Variants in RAB31 observed in about 807,000 individuals in gnomAD.
RAB31 encodes ras-related protein Rab-31.
In RAB31, 21 loss-of-function variants were observed where a neutral mutation model predicts 25.6. The ratio of observed to expected loss-of-function variants is 0.82; its 90% CI spans 0.58 to 1.18. The LOEUF (loss-of-function observed/expected upper bound fraction) is 1.18, where lower values mean the gene tolerates loss of function less well. RAB31 is among the 50% of genes most tolerant of loss of function. The probability of loss-of-function intolerance (pLI) is 0.00; values close to 1 mark genes in which losing one functional copy is unlikely to be tolerated. For synonymous variants in RAB31, 87 were observed against 84.0 expected (o/e 1.04, Z -0.20); for missense variants, 196 against 250.1 (o/e 0.78, Z 1.46).
intron 1 of RAB31, among the ~76,000 whole-genome samples, chr18:9,742,636 G>T (rs1019964254): frequency 1.3e-5 from 2 of 152,210 alleles, no homozygotes; most frequent in African/African-American, 4.8e-5. Context: ...GAAGGCTGAG[G>T]AAGGGGGCTG....
In RAB31 at chr18:9,766,351, C is replaced by T. The variant is rs541815805; in HGVS notation, c.40-8927C>T. Among the ~76,000 whole-genome samples, 514 of 150,238 alleles carry T rather than the reference C, an allele frequency of 3.4e-3. 4 individuals are homozygous for T. The highest frequency in any genetic ancestry group is 0.012 in the African/African-American group (495 of 41,234). ...CCCCGGAGTGGGTGAGCCAGGCAAGCGTGGCACTGCCCTCATTACTATGCA... is the reference window on the plus strand; with the variant it reads ...CCCCGGAGTGGGTGAGCCAGGCAAGTGTGGCACTGCCCTCATTACTATGCA... On this transcript the variant is annotated intron_variant, in intron 1 of 6. Coordinates refer to ENST00000578921, the MANE Select transcript of RAB31 (RefSeq NM_006868.4). The surrounding 1 kb of genome is among the most constrained non-coding windows in gnomAD (Gnocchi z 4.3).
intron 5 of RAB31, among the ~76,000 whole-genome samples, chr18:9,829,308 C>T (rs765868059): frequency 3.9e-5 from 6 of 152,124 alleles, no homozygotes; most frequent in African/African-American, 7.2e-5. Context: ...ACTTTGTAAG[C>T]GGAATGAGAC....
At chr18:9,849,384 A>C (rs962389606) in intron 6 of RAB31, among the ~76,000 whole-genome samples, 2 of 152,192 alleles carry the variant, frequency 1.3e-5, no homozygotes, top group Non-Finnish European at 2.9e-5. Context: ...CTCCGTCCTC[A>C]TCTCATGATA....
At chr18:9,850,961 C>A (rs1202384139) in intron 6 of RAB31, among the ~76,000 whole-genome samples, 4 of 152,106 alleles carry the variant, frequency 2.6e-5, no homozygotes, top group African/African-American at 9.7e-5. Context: ...ATATGAAAGA[C>A]AACAAGTTAA....
rs759486598 is a variant in RAB31, at chr18:9,792,168, C to A, written c.134C>A (p.Thr45Asn). The change falls in exon 3 of 7, where the codon ACC becomes AAC. Residue 45 changes from threonine to asparagine, a missense_variant. Coordinates refer to ENST00000578921, the MANE Select transcript of RAB31 (RefSeq NM_006868.4). Reference protein sequence around the residue: ...ISPTIGASFMTKTVPCGNELH... With the variant: ...ISPTIGASFMNKTVPCGNELH... ...TCTTTTTTCAGGGCATCTTTTATGA[C>A]CAAAACTGTGCCTTGTGGAAATGAA... 1 of 1,611,194 alleles carries A rather than the reference C, an allele frequency of 6.2e-7. No individual in the cohort carries two copies. The highest frequency in any genetic ancestry group is 1.1e-5 in the South Asian group (1 of 90,316).
rs2068315119 is a variant in RAB31 at position 9,766,208 on chromosome 18, C to G, written c.40-9070C>G. Among the ~76,000 whole-genome samples the G allele has an allele frequency of 6.6e-6, 1 of 152,124 alleles. No homozygotes were observed. Reference sequence around the variant, plus strand: ...TAACCCTGGCCTGGATTGCTAAGGCCAGGGCCCGGGAGCTGGGCTCTCACT... The same window carrying G: ...TAACCCTGGCCTGGATTGCTAAGGCGAGGGCCCGGGAGCTGGGCTCTCACT... On this transcript the variant is annotated intron_variant, in intron 1 of 6. Transcript: ENST00000578921. The surrounding 1 kb of genome is among the most constrained non-coding windows in gnomAD (Gnocchi z 4.3).
chr18:9,741,554 C>T (rs1314834026), intron 1 of RAB31, among the ~76,000 whole-genome samples: 1 of 152,148 alleles, frequency 6.6e-6, no homozygotes, highest in Admixed American at 6.5e-5. Flanking sequence ...CACGCACCAT[C>T]TGTCCAGTGG....
intron 3 of RAB31, 21 bp downstream of exon 3, chr18:9,792,256 G>C: frequency 6.2e-7 from 1 of 1,600,946 alleles, no homozygotes; most frequent in Admixed American, 1.7e-5. Context: ...GCTGTTTTTT[G>C]GTGAAAACAA....
intron 1 of RAB31, among the ~76,000 whole-genome samples, chr18:9,747,117 C>T (rs1227645063): frequency 6.6e-6 from 1 of 152,180 alleles, no homozygotes; most frequent in Admixed American, 6.5e-5. Context: ...AATAGACCTT[C>T]TCCAGAGAAG....
chr18:9,814,886 A>G (rs1410658718), intron 4 of RAB31: 3 of 351,412 alleles, frequency 8.5e-6, no homozygotes, highest in Non-Finnish European at 1.6e-5. Context: ...AATCACTGAT[A>G]TGATTTTCTT....
At chr18:9,804,189 G>A (rs560767890) in intron 3 of RAB31, among the ~76,000 whole-genome samples, 2 of 152,314 alleles carry the variant, frequency 1.3e-5, no homozygotes, top group African/African-American at 4.8e-5. Context: ...TTTGTCACTG[G>A]AGACCCTGCT....
intron 6 of RAB31, among the ~76,000 whole-genome samples, chr18:9,854,812 G>A (rs2068807712): frequency 6.6e-6 from 1 of 152,170 alleles, no homozygotes; most frequent in Non-Finnish European, 1.5e-5. Flanking sequence ...CATGGCTAGA[G>A]GCTAAAGGTC....
chr18:9,766,363 C>T lies in RAB31; in HGVS notation c.40-8915C>T, dbSNP rs952001433. Reference sequence around the variant, plus strand: ...TGAGCCAGGCAAGCGTGGCACTGCCCTCATTACTATGCACTGCCTTCGCTT... The same window carrying T: ...TGAGCCAGGCAAGCGTGGCACTGCCTTCATTACTATGCACTGCCTTCGCTT... On this transcript the variant is annotated intron_variant, in intron 1 of 6. Coordinates refer to ENST00000578921, the MANE Select transcript of RAB31 (RefSeq NM_006868.4). This position sits in a 1 kb window ranked among gnomAD's most constrained non-coding sequence, Gnocchi z 4.3. 2.6e-5 allele frequency among the ~76,000 whole-genome samples: 4 copies of T among 152,204 alleles called. No individual in the cohort carries two copies. The highest frequency in any genetic ancestry group is 1.9e-4 in the East Asian group (1 of 5,150).
chr18:9,846,456 G>A (rs1251717397), intron 6 of RAB31, among the ~76,000 whole-genome samples: 1 of 152,208 alleles, frequency 6.6e-6, no homozygotes, highest in Admixed American at 6.5e-5. Context: ...ACTGCTCTGA[G>A]ACACCCTCAG....
At chr18:9,746,704 A>G (rs2068207507) in intron 1 of RAB31, among the ~76,000 whole-genome samples, 1 of 152,244 alleles carries the variant, frequency 6.6e-6, no homozygotes, top group Non-Finnish European at 1.5e-5. Context: ...TGGGACAACC[A>G]GATATCCACA....
intron 2 of RAB31, among the ~76,000 whole-genome samples, chr18:9,783,666 A>G (rs1158062491): frequency 6.6e-6 from 1 of 152,212 alleles, no homozygotes; most frequent in African/African-American, 2.4e-5. Flanking sequence ...AACTGGAAAA[A>G]TATTATTTAA....
intron 5 of RAB31, among the ~76,000 whole-genome samples, chr18:9,832,322 A>C (rs989733602): frequency 2.6e-5 from 4 of 152,208 alleles, no homozygotes; most frequent in Non-Finnish European, 4.4e-5. Context: ...TCTTCCCATC[A>C]GGGCCCAGAT....
intron 4 of RAB31, 108 bp downstream of exon 4, chr18:9,814,199 A>G: frequency 1.4e-6 from 1 of 740,594 alleles, no homozygotes; most frequent in South Asian, 1.6e-5. Context: ...GCGTGCCACT[A>G]TATATTGAGT....
intron 6 of RAB31, among the ~76,000 whole-genome samples, chr18:9,857,504 G>A (rs1453179660): frequency 6.6e-6 from 1 of 150,940 alleles, no homozygotes; most frequent in East Asian, 2.0e-4. Context: ...GCCCATGTGT[G>A]ATTTTTAAGA....
Sources: allele counts gnomAD v4.1 joint callset (sites outside exome capture counted in the v4.1 genomes callset), GRCh38; gene constraint gnomAD v4.1.1; non-coding constraint Gnocchi (gnomAD v3.1); transcripts MANE v1.5; gene names NCBI Gene and HGNC (gene_info 2026-07-23, HGNC 2026-07-21).